Variants in ARID4B observed in about 807,000 individuals in gnomAD.
ARID4B encodes AT-rich interaction domain 4B, also known as AT-rich interactive domain-containing protein 4B.
In ARID4B, 26 loss-of-function variants were observed where a neutral mutation model predicts 147.5. The ratio of observed to expected loss-of-function variants is 0.18; its 90% CI spans 0.13 to 0.24. The LOEUF is 0.24. Ranked by LOEUF, ARID4B falls within the 10% of genes least tolerant of loss-of-function variation. The pLI, the probability that ARID4B is intolerant of heterozygous loss-of-function variation, is 1.00. For missense variants in ARID4B, 1,179 were observed against 1,511.5 expected (o/e 0.78, Z 3.65); for synonymous variants, 512 against 507.9 (o/e 1.01, Z -0.11).
chr1:235,300,289 TGCCTGCAATCCCA>T (rs1187893161), intron 2 of ARID4B, among the ~76,000 whole-genome samples: 1 of 151,642 alleles, frequency 6.6e-6, no homozygotes, highest in East Asian at 1.9e-4. Context: ...GGGTGGCGGG[TGCCTGCAATCCCA>T]GCTACTTGGG....
chr1:235,222,125 G>A (rs191846253), intron 13 of ARID4B, among the ~76,000 whole-genome samples: 40 of 151,652 alleles, frequency 2.6e-4, no homozygotes, highest in African/African-American at 9.2e-4. Context: ...TTGCCCAGGC[G>A]GGTCTCAAAG....
chr1:235,221,821 A>G (rs1472963405), intron 13 of ARID4B, among the ~76,000 whole-genome samples, 159 bp from the exon 14 acceptor site: 1 of 151,414 alleles, frequency 6.6e-6, no homozygotes, highest in Non-Finnish European at 1.5e-5. Context: ...GTTTAAAAAT[A>G]AAGGTTTTAG....
intron 4 of ARID4B, among the ~76,000 whole-genome samples, chr1:235,256,139 A>G (rs1558251874): frequency 7.3e-6 from 1 of 137,930 alleles, no homozygotes; most frequent in Non-Finnish European, 1.5e-5. Flanking sequence ...GCGCCACTGC[A>G]CTCCAGCCTG....
At chr1:235,219,407 T>G (rs574432218) in intron 16 of ARID4B, among the ~76,000 whole-genome samples, 1 of 152,314 alleles carries the variant, frequency 6.6e-6, no homozygotes, top group African/African-American at 2.4e-5. Context: ...AAAACTTTAG[T>G]ATTTTTCCAC....
chr1:235,319,905 G>C (rs2103303244), intron 2 of ARID4B, among the ~76,000 whole-genome samples: 1 of 151,938 alleles, frequency 6.6e-6, no homozygotes, highest in South Asian at 2.1e-4. Flanking sequence ...GAGGCAGGTG[G>C]ATAACAAGGT....
chr1:235,296,847 A>G (rs1386631384), intron 2 of ARID4B, among the ~76,000 whole-genome samples: 5 of 25,132 alleles, frequency 2.0e-4, no homozygotes, highest in Non-Finnish European at 3.9e-4. Flanking sequence ...GGGAGGAAGG[A>G]GGGAGGGAAG....
rs1468651733 is a variant in ARID4B at position 235,168,528 on chromosome 1, C to G, written c.3936G>C (p.Arg1312Ser). The G allele has an allele frequency of 6.2e-7, 1 of 1,613,816 alleles. No homozygotes were observed. The highest frequency in any genetic ancestry group is 8.5e-7 in the Non-Finnish European group (1 of 1,179,906). ...ASQNGMSVEC[R>S] ...AGTGCTTTAGCAAGTCCTGCTGTCA[C>G]CTGCACTCAACTGACATTCCATTTT... The change falls in exon 24 of 24, where the codon AGG becomes AGC. Residue 1312 changes from arginine (R) to serine (S), a missense_variant. Physicochemically the swap from Arg to Ser is moderately radical, Grantham distance 110. This residue lies in a region of ARID4B where 357 missense variants were observed against 427.3 expected (regional missense o/e 0.84). Coordinates refer to ENST00000264183, the MANE Select transcript of ARID4B (RefSeq NM_016374.6).
At chr1:235,240,247 GA>G (rs1668896144) in intron 8 of ARID4B, 65 bp downstream of exon 8, 2 of 1,407,572 alleles carry the variant, frequency 1.4e-6, no homozygotes, top group Middle Eastern at 1.9e-4. Context: ...ACATTAGTAA[GA>G]AAATTGTTTT....
At chr1:235,276,456 A>G (rs1302906795) in intron 2 of ARID4B, among the ~76,000 whole-genome samples, 1 of 152,148 alleles carries the variant, frequency 6.6e-6, no homozygotes, top group African/African-American at 2.4e-5. Flanking sequence ...ATTTCTACTC[A>G]TATTTTTCAA....
At chr1:235,267,899 T>C (rs1670719338) in intron 2 of ARID4B, among the ~76,000 whole-genome samples, 1 of 150,062 alleles carries the variant, frequency 6.7e-6, no homozygotes, top group African/African-American at 2.5e-5. Context: ...AGACTACGTC[T>C]CAAAAAAAAA....
chr1:235,295,959 C>G (rs989259985), intron 2 of ARID4B: 1 of 153,538 alleles, frequency 6.5e-6, no homozygotes, highest in Non-Finnish European at 1.4e-5. Context: ...GAAAGGTATC[C>G]GTATCCACAG....
rs187741499 is a variant in ARID4B at position 235,281,937 on chromosome 1, G to C, written c.7-21185C>G. Among the ~76,000 whole-genome samples, 313 of 152,132 alleles carry C rather than the reference G, an allele frequency of 2.1e-3. 2 individuals are homozygous for C. Among genetic ancestry groups the C allele is most frequent in the African/African-American group, 6.9e-3 (285 of 41,494 alleles). ...TTAGATATCAACATTATAAATAAGG[G>C]AATACTTTTCAGATACAAAATGATC... On this transcript the variant is annotated intron_variant, in intron 2 of 23. Coordinates refer to ENST00000264183, the MANE Select transcript of ARID4B (RefSeq NM_016374.6).
intron 20 of ARID4B, among the ~76,000 whole-genome samples, chr1:235,178,526 T>G (rs1309830833): frequency 6.6e-6 from 1 of 152,124 alleles, no homozygotes; most frequent in African/African-American, 2.4e-5. Flanking sequence ...TTGCAAAACA[T>G]TACAAATAAA....
rs531975437 is a variant in ARID4B, at chr1:235,172,623, C to T, written c.3806G>A (p.Arg1269Lys). The change falls in exon 23 of 24, where the codon AGA becomes AAA. Residue 1269 changes from arginine (R) to lysine (K), a missense_variant. Around this residue, in one of 10 missense-constraint regions of ARID4B, gnomAD observed 357 missense variants for 427.3 expected, o/e 0.84. Transcript: ENST00000264183. ...RRRKRLKKKE[R>K]ESAATSSSSS... ...AATAAAGTAAAAATACTTACTTTCT[C>T]TCTCTTTCTTCTTTAAACGCTTTCT... 2.1e-5 allele frequency: 33 copies of T among 1,549,562 alleles called. 1 individual carries two copies. In the South Asian group the frequency reaches 4.0e-4, roughly 19 times the overall value.
chr1:235,265,944 T>TA (rs1670580203), intron 2 of ARID4B, among the ~76,000 whole-genome samples: 1 of 152,054 alleles, frequency 6.6e-6, no homozygotes, highest in African/African-American at 2.4e-5. Flanking sequence ...CAATTGTTTT[T>TA]TAAAAAAAAA....
intron 2 of ARID4B, among the ~76,000 whole-genome samples, chr1:235,275,479 T>C (rs1266899175): frequency 6.6e-6 from 1 of 152,158 alleles, no homozygotes; most frequent in African/African-American, 2.4e-5. Flanking sequence ...CATAAGAAAC[T>C]GTGGGTTCTC....
chr1:235,169,539 C>G (rs1049255092), intron 23 of ARID4B, among the ~76,000 whole-genome samples: 12 of 147,304 alleles, frequency 8.1e-5, no homozygotes, highest in African/African-American at 3.0e-4. Flanking sequence ...CCGCGCCCAG[C>G]CTGTTTGTTT....
At position 235,257,586 on chromosome 1, in the gene ARID4B, A is replaced by T. The variant is rs187184667; in HGVS notation, c.118-361T>A. Among the ~76,000 whole-genome samples, 194 of 151,754 alleles carry T rather than the reference A, an allele frequency of 1.3e-3. 1 individual carries two copies. The highest frequency in any genetic ancestry group is 4.6e-3 in the African/African-American group (190 of 41,332). On this transcript the variant is annotated intron_variant, in intron 3 of 23. Transcript: ENST00000264183. ...CAACCTCCACCTCAGGGTTCAAGTG[A>T]TTCTCCTGCCTCAGTCTTTCAAGTA...
intron 19 of ARID4B, among the ~76,000 whole-genome samples, chr1:235,185,546 G>A (rs1464401030): frequency 1.3e-5 from 2 of 152,102 alleles, no homozygotes; most frequent in African/African-American, 4.8e-5. Flanking sequence ...TTTGAGCTAG[G>A]TCCACTGTTA....
Sources: gnomAD v4.1 joint callset for allele counts (sites outside exome capture counted in the v4.1 genomes callset) on GRCh38, gnomAD v4.1.1 for gene constraint, gnomAD v4.1.1 regional missense constraint, MANE v1.5 for transcripts, NCBI Gene and HGNC (gene_info 2026-07-23, HGNC 2026-07-21) for gene names.